TEX2: variants seen among roughly 807,000 people sequenced by gnomAD.
TEX2 encodes the protein testis-expressed protein 2.
A neutral mutation model predicts 106.9 loss-of-function variants in TEX2; 53 were observed. The observed-to-expected ratio is 0.50, with a 90% CI of 0.40 to 0.62. The LOEUF is 0.62. Ranked by LOEUF, TEX2 falls within the 20% of genes least tolerant of loss-of-function variation. The probability of loss-of-function intolerance (pLI) is 0.00; values close to 1 mark genes in which losing one functional copy is unlikely to be tolerated. For synonymous variants in TEX2, 523 were observed against 534.8 expected (o/e 0.98, Z 0.30); for missense variants, 1,207 against 1,379.0 (o/e 0.88, Z 1.98).
At chr17:64,254,860 TTTTG>T (rs1191618653) in intron 1 of TEX2, among the ~76,000 whole-genome samples, 3 of 152,054 alleles carry the variant, frequency 2.0e-5, no homozygotes, top group East Asian at 1.9e-4. Flanking sequence ...CACTGTCCTT[TTTTG>T]TTTGTTTGAT....
intron 1 of TEX2, among the ~76,000 whole-genome samples, chr17:64,262,076 C>T (rs185774365): frequency 5.9e-5 from 9 of 152,340 alleles, no homozygotes; most frequent in African/African-American, 2.2e-4. Flanking sequence ...TCCTCTGAAT[C>T]CTCTGAGAAT....
intron 7 of TEX2, among the ~76,000 whole-genome samples, chr17:64,168,858 G>A (rs2031261008): frequency 6.6e-6 from 1 of 150,754 alleles, no homozygotes; most frequent in Non-Finnish European, 1.5e-5. Context: ...TACACTGATG[G>A]AGTGAAGATG....
chr17:64,211,728 C>A (rs2033007019), intron 2 of TEX2, among the ~76,000 whole-genome samples: 1 of 152,110 alleles, frequency 6.6e-6, no homozygotes, highest in Non-Finnish European at 1.5e-5. Flanking sequence ...AAACCAATGC[C>A]CCCTTGGATA....
At chr17:64,243,222 C>T (rs533262917) in intron 1 of TEX2, among the ~76,000 whole-genome samples, 9 of 152,070 alleles carry the variant, frequency 5.9e-5, no homozygotes, top group Admixed American at 2.6e-4. Context: ...CCACCACACC[C>T]GGCCAAAAAT....
chr17:64,180,596 T>C (rs958167374), intron 5 of TEX2, among the ~76,000 whole-genome samples: 11 of 152,204 alleles, frequency 7.2e-5, no homozygotes, highest in Admixed American at 6.5e-4. Flanking sequence ...AAAGAAACAA[T>C]GTGCATACAT....
chr17:64,220,728 T>C (rs532765215), intron 1 of TEX2, among the ~76,000 whole-genome samples: 9 of 152,290 alleles, frequency 5.9e-5, no homozygotes, highest in South Asian at 2.1e-4. Context: ...TGTGGAGAAA[T>C]AGGAATGCTT....
chr17:64,202,000 G>A (rs1232670219), intron 2 of TEX2, among the ~76,000 whole-genome samples: 1 of 152,206 alleles, frequency 6.6e-6, no homozygotes, highest in Non-Finnish European at 1.5e-5. Context: ...AGACGAACAA[G>A]CAAAGGAAGA....
Position 64,195,878 on chromosome 17 carries a change from TG to T in TEX2, c.1645-784del, listed in dbSNP as rs2032450716. On this transcript the variant is annotated intron_variant, in intron 2 of 11. Transcript: ENST00000584379. The surrounding 1 kb of genome is among the most constrained non-coding windows in gnomAD (Gnocchi z 4.1). ...CATAGCTGTCATCATCATTCATCAC[TG>T]AACACTTCTCCTGCCTCAAATACTT... Among the ~76,000 whole-genome samples the T allele has an allele frequency of 6.6e-6, 1 of 152,240 alleles. No homozygotes were observed. The highest frequency in any genetic ancestry group is 2.1e-4 in the South Asian group (1 of 4,836).
At chr17:64,163,685 G>T (rs3826339) in intron 7 of TEX2, among the ~76,000 whole-genome samples, 80,451 of 152,010 alleles carry the variant, frequency 0.53, 23,037 homozygotes, top group East Asian at 0.82. Flanking sequence ...TGAGTCAGGA[G>T]GCCCCTGCCT....
At chr17:64,159,984 A>G (rs2030809658) in intron 8 of TEX2, among the ~76,000 whole-genome samples, 2 of 152,232 alleles carry the variant, frequency 1.3e-5, no homozygotes, top group African/African-American at 2.4e-5. Flanking sequence ...CCAGTATCTT[A>G]TATTTAGACC....
chr17:64,262,487 C>T (rs1248641741), intron 1 of TEX2, among the ~76,000 whole-genome samples: 1 of 152,248 alleles, frequency 6.6e-6, no homozygotes, highest in Non-Finnish European at 1.5e-5. Context: ...CCAGCCGTTC[C>T]CCGCCTTCTC....
chr17:64,165,417 A>G (rs1567911290), intron 7 of TEX2, among the ~76,000 whole-genome samples: 1 of 152,206 alleles, frequency 6.6e-6, no homozygotes, highest in Non-Finnish European at 1.5e-5. Context: ...ATGTTCCACA[A>G]GAGGTATGAT....
chr17:64,258,006 G>A (rs1555637989), intron 1 of TEX2, among the ~76,000 whole-genome samples: 1 of 151,938 alleles, frequency 6.6e-6, no homozygotes, highest in African/African-American at 2.4e-5. Flanking sequence ...CCGCCTCCTG[G>A]GCTCAAGCGA....
Position 64,193,616 on chromosome 17 carries a change from C to A in TEX2, c.2119G>T (p.Ala707Ser). The A allele has an allele frequency of 6.9e-7, 1 of 1,458,716 alleles. No individual in the cohort carries two copies. Among genetic ancestry groups the A allele is most frequent in the Non-Finnish European group, 9.1e-7 (1 of 1,096,688 alleles). The allele number at this position is 1,458,716 out of a possible 1,614,324, so 90.4% of individuals were successfully genotyped here. The change falls in exon 4 of 12, where the codon GCA (alanine) becomes TCA (serine). Residue 707 changes from alanine to serine, a missense_variant. By Grantham distance (99) the Ala-to-Ser change is moderately conservative (BLOSUM62 1). Transcript: ENST00000584379. ...KEEWFRRFIL[A>S]SKLKSEIKKS... ...TTGATTTCCGACTTTAGCTTAGATG[C>A]CAGAATAAATCTCCTAAACCATTCC...
At chr17:64,252,991 T>C (rs1239590853) in intron 1 of TEX2, among the ~76,000 whole-genome samples, 1 of 151,726 alleles carries the variant, frequency 6.6e-6, no homozygotes, top group Non-Finnish European at 1.5e-5. Flanking sequence ...TGGAATACAA[T>C]AAACCAGGAG....
intron 5 of TEX2, among the ~76,000 whole-genome samples, chr17:64,183,206 A>G (rs2031948567): frequency 6.6e-6 from 1 of 151,990 alleles, no homozygotes; most frequent in Non-Finnish European, 1.5e-5. Flanking sequence ...GTGCCCCACC[A>G]TTTTCCACTT....
intron 1 of TEX2, among the ~76,000 whole-genome samples, chr17:64,238,067 C>G (rs1054202867): frequency 6.6e-6 from 1 of 152,086 alleles, no homozygotes; most frequent in African/African-American, 2.4e-5. Context: ...TTTGGGAGGC[C>G]GAGGTGGGAG....
chr17:64,177,251 G>A, intron 6 of TEX2, 74 bp downstream of exon 6: 3 of 1,568,896 alleles, frequency 1.9e-6, no homozygotes, highest in Non-Finnish European at 2.6e-6. Context: ...TTTTCACTTA[G>A]GACATAAGGG....
Position 64,153,022 on chromosome 17 carries a change from C to G in TEX2, c.3063G>C (p.Leu1021=), listed in dbSNP as rs2030436263. 3 of 1,614,054 alleles carry G rather than the reference C, an allele frequency of 1.9e-6. No individual in the cohort carries two copies. The highest frequency in any genetic ancestry group is 2.5e-6 in the Non-Finnish European group (3 of 1,180,040). Reference sequence around the variant, plus strand: ...ATTCTTGTACTTCAACAGTGAGCAGCAGGGGTGTGTTGGAGACTTCTTCGA... The same window carrying G: ...ATTCTTGTACTTCAACAGTGAGCAGGAGGGGTGTGTTGGAGACTTCTTCGA... The part of the protein sequence containing the change: ...KKIEEVSNTP[L]LLTVEVQECR... Residue 1021 remains leucine, a synonymous_variant, in exon 10 of 12, where the codon CTG becomes CTC. Transcript: ENST00000584379. The surrounding 1 kb of genome is among the most constrained non-coding windows in gnomAD (Gnocchi z 4.1).
Sources: gnomAD v4.1 joint callset for allele counts (sites outside exome capture counted in the v4.1 genomes callset) on GRCh38, gnomAD v4.1.1 for gene constraint, Gnocchi (gnomAD v3.1) non-coding constraint, MANE v1.5 for transcripts, NCBI Gene and HGNC (gene_info 2026-07-23, HGNC 2026-07-21) for gene names.